The following BICC1 variants were observed in gnomAD, a reference collection of about 807,000 sequenced individuals.
BICC1 encodes the protein BicC family RNA binding protein 1, also known as protein bicaudal C homolog 1.
Under a neutral mutation model 111.0 loss-of-function variants are expected in BICC1, and 43 were observed. The ratio of observed to expected loss-of-function variants is 0.39; its 90% confidence interval spans 0.30 to 0.50. The LOEUF (loss-of-function observed/expected upper bound fraction) is 0.50, where lower values mean the gene tolerates loss of function less well. BICC1 is among the 20% of genes least tolerant of loss of function. BICC1 has a pLI of 0.88. For missense variants in BICC1, 1,091 were observed against 1,203.2 expected (o/e 0.91, Z 1.38); for synonymous variants, 467 against 434.4 (o/e 1.07, Z -0.93).
chr10:58,580,396 T>A (rs1844248284), intron 1 of BICC1, among the ~76,000 whole-genome samples: 1 of 152,166 alleles, frequency 6.6e-6, no homozygotes, highest in South Asian at 2.1e-4. Context: ...TCTCTAAAAT[T>A]CAAAACTTTC....
chr10:58,578,743 G>A (rs35212145), intron 1 of BICC1, among the ~76,000 whole-genome samples: 15,444 of 151,888 alleles, frequency 0.1, 862 homozygotes, highest in Middle Eastern at 0.15. Context: ...CTATCCCCTC[G>A]CCCCTCATCA....
intron 1 of BICC1, among the ~76,000 whole-genome samples, chr10:58,549,646 T>C (rs1843239433): frequency 6.6e-6 from 1 of 151,710 alleles, no homozygotes; most frequent in South Asian, 2.1e-4. Context: ...TTTTTTGTTG[T>C]TGTTATTGTT....
At chr10:58,589,574 C>G (rs1398410571) in intron 1 of BICC1, among the ~76,000 whole-genome samples, 1 of 151,694 alleles carries the variant, frequency 6.6e-6, no homozygotes, top group Non-Finnish European at 1.5e-5. Context: ...TGGGGTCAAG[C>G]TATTCTCTTG....
intron 18 of BICC1, chr10:58,814,391 A>C (rs1030136450): frequency 8.1e-5 from 37 of 455,608 alleles, no homozygotes; most frequent in African/African-American, 1.8e-4. Context: ...TCTGACACCT[A>C]GTAGGTAGGT....
At chr10:58,675,349 G>A (rs1003357055) in intron 2 of BICC1, among the ~76,000 whole-genome samples, 1 of 152,090 alleles carries the variant, frequency 6.6e-6, no homozygotes, top group African/African-American at 2.4e-5. Context: ...GAAGTACAGT[G>A]GGTTTTGGAA....
At chr10:58,769,404 G>GTGTGTGTGTATATA (rs1050060686) in intron 3 of BICC1, among the ~76,000 whole-genome samples, 8 of 109,746 alleles carry the variant, frequency 7.3e-5, no homozygotes, top group African/African-American at 2.2e-4. Context: ...GTGTGTGTGT[G>GTGTGTGTGTATATA]TATATATATA....
At position 58,806,640 on chromosome 10, in the gene BICC1, T is replaced by TA. The variant is rs752936422; in HGVS notation, c.2221+19dup. 6.3e-7 allele frequency: 1 copy of TA among 1,587,348 alleles called. No individual in the cohort carries two copies. The highest frequency in any genetic ancestry group is 2.2e-5 in the East Asian group (1 of 44,678). On this transcript the variant is annotated intron_variant, in intron 16 of 20. Coordinates refer to ENST00000373886, the MANE Select transcript of BICC1 (RefSeq NM_001080512.3). ...CCACCAAAGGTATGTAATACACTAA[T>TA]AACTTACACTTGACTATATTTTAGT... is the stretch of plus-strand genomic sequence containing the variant.
intron 1 of BICC1, among the ~76,000 whole-genome samples, chr10:58,588,259 A>G (rs1295300318): frequency 1.3e-5 from 2 of 152,180 alleles, no homozygotes; most frequent in Non-Finnish European, 2.9e-5. Flanking sequence ...AGAAATATGT[A>G]TTTTGTGATT....
chr10:58,680,739 A>AAGCTGGAG (rs1438252097), intron 2 of BICC1, among the ~76,000 whole-genome samples: 2 of 152,194 alleles, frequency 1.3e-5, no homozygotes, highest in Non-Finnish European at 2.9e-5. Context: ...AAAAAGAACA[A>AAGCTGGAG]AGCTGGAGCG....
intron 3 of BICC1, among the ~76,000 whole-genome samples, chr10:58,708,490 A>G (rs974768961): frequency 2.0e-5 from 3 of 152,196 alleles, no homozygotes; most frequent in Admixed American, 6.5e-5. Context: ...TAATAGGCAA[A>G]AGAAAGAGAA....
chr10:58,655,402 C>T (rs1344054715), intron 2 of BICC1, among the ~76,000 whole-genome samples: 3 of 109,272 alleles, frequency 2.7e-5, no homozygotes, highest in African/African-American at 1.1e-4. Context: ...CCTTCACATC[C>T]CTTGTAAGTT....
At chr10:58,523,878 G>A (rs1156313106) in intron 1 of BICC1, among the ~76,000 whole-genome samples, 1 of 152,102 alleles carries the variant, frequency 6.6e-6, no homozygotes, top group Non-Finnish European at 1.5e-5. Context: ...AAATGAATGT[G>A]CAAAAATCAC....
chr10:58,590,542 G>A (rs1844579338), intron 1 of BICC1, among the ~76,000 whole-genome samples: 1 of 152,190 alleles, frequency 6.6e-6, no homozygotes, highest in Non-Finnish European at 1.5e-5. Flanking sequence ...TATTGAAGAA[G>A]GCTATGATAA....
chr10:58,584,665 T>G (rs1036705051), intron 1 of BICC1, among the ~76,000 whole-genome samples: 1 of 152,086 alleles, frequency 6.6e-6, no homozygotes, highest in East Asian at 1.9e-4. Context: ...CTCAGTGGAG[T>G]GTGACTAGCT....
intron 1 of BICC1, among the ~76,000 whole-genome samples, chr10:58,533,095 AT>A (rs35753809): frequency 0.46 from 69,726 of 151,672 alleles, 17,083 homozygotes; most frequent in Admixed American, 0.62. Flanking sequence ...TCTGGTTATT[AT>A]GAGAGTGTTT....
intron 2 of BICC1, among the ~76,000 whole-genome samples, chr10:58,695,745 C>T (rs909369446): frequency 6.6e-6 from 1 of 152,088 alleles, no homozygotes; most frequent in African/African-American, 2.4e-5. Context: ...TTGCTGCAAA[C>T]CTGCGACATA....
chr10:58,813,717 G>C lies in BICC1; in HGVS notation c.2377-113G>C, dbSNP rs560589212. 1.1e-4 allele frequency: 120 copies of C among 1,084,038 alleles called. No individual in the cohort carries two copies. In the South Asian group the frequency reaches 1.4e-3, roughly 12 times the overall value. The allele number at this position is 1,084,038 out of a possible 1,614,324, so 67.2% of individuals were successfully genotyped here. ...AGAGTCAACACTCATGAGTAACTGC[G>C]GTGGTTGGCAAGAGAAGTAAACGGC... On this transcript the variant is annotated intron_variant, in intron 17 of 20. Transcript: ENST00000373886.
intron 3 of BICC1, among the ~76,000 whole-genome samples, chr10:58,740,865 G>A (rs897249618): frequency 7.9e-5 from 12 of 152,184 alleles, no homozygotes; most frequent in African/African-American, 2.4e-4. Flanking sequence ...CACGTGAATG[G>A]TGTGGCTTTG....
At chr10:58,795,849 CAT>C (rs1423215970) in intron 9 of BICC1, among the ~76,000 whole-genome samples, 3 of 152,108 alleles carry the variant, frequency 2.0e-5, no homozygotes, top group Non-Finnish European at 4.4e-5. Flanking sequence ...AAATGTCAAA[CAT>C]AAGTGATGAT....
Sources: allele counts gnomAD v4.1 joint callset (sites outside exome capture counted in the v4.1 genomes callset), GRCh38; gene constraint gnomAD v4.1.1; transcripts MANE v1.5; gene names NCBI Gene and HGNC (gene_info 2026-07-23, HGNC 2026-07-21).